Variants in SKAP1 observed in about 807,000 individuals in gnomAD.
SKAP1 encodes the protein src kinase associated phosphoprotein 1, also known as src kinase-associated phosphoprotein 1.
SKAP1 carries 44 observed loss-of-function variants against 58.5 expected under a neutral mutation model. That is an observed-to-expected ratio of 0.75 (90% CI 0.59 to 0.97). The LOEUF (loss-of-function observed/expected upper bound fraction) is 0.97. SKAP1 is among the 50% of genes least tolerant of loss of function. The pLI, the probability that SKAP1 is intolerant of heterozygous loss-of-function variation, is 0.00. For missense variants in SKAP1, 390 were observed against 435.2 expected, an observed-to-expected ratio of 0.90 and a Z score of 0.92; for synonymous variants, 127 against 149.7, an observed-to-expected ratio of 0.85 and a Z score of 1.11.
intron 11 of SKAP1, chr17:48,156,566 AG>A (rs1332872507): frequency 2.3e-6 from 1 of 435,284 alleles, no homozygotes; most frequent in East Asian, 7.0e-5. Flanking sequence ...TGAGTCCAAA[AG>A]GAACACAGGA....
chr17:48,352,769 G>C (rs1243473538), intron 3 of SKAP1, among the ~76,000 whole-genome samples: 1 of 152,142 alleles, frequency 6.6e-6, no homozygotes, highest in Non-Finnish European at 1.5e-5. Flanking sequence ...ACACAAAGAT[G>C]AAATAACTTA....
At chr17:48,176,710 G>A (rs938530597) in intron 9 of SKAP1, among the ~76,000 whole-genome samples, 1 of 152,216 alleles carries the variant, frequency 6.6e-6, no homozygotes, top group Non-Finnish European at 1.5e-5. Context: ...AAGGGGAGAA[G>A]AGTGCTAGCC....
intron 4 of SKAP1, among the ~76,000 whole-genome samples, chr17:48,253,340 G>T (rs192363794): frequency 6.6e-6 from 1 of 152,226 alleles, no homozygotes; most frequent in East Asian, 1.9e-4. Context: ...CTAGAATTAA[G>T]AAGCAAGGGG....
intron 4 of SKAP1, among the ~76,000 whole-genome samples, chr17:48,249,685 G>T (rs941545310): frequency 6.6e-6 from 1 of 151,720 alleles, no homozygotes; most frequent in South Asian, 2.1e-4. Context: ...ACAAAACCCG[G>T]AAGCCCCCCG....
intron 4 of SKAP1, among the ~76,000 whole-genome samples, chr17:48,326,097 G>T (rs533024340): frequency 6.6e-6 from 1 of 151,204 alleles, no homozygotes; most frequent in South Asian, 2.1e-4. Flanking sequence ...TTTAAAAATA[G>T]TTATGTTATA....
chr17:48,405,439 TTCTTTC>T (rs1481839292), intron 1 of SKAP1, among the ~76,000 whole-genome samples: 1 of 83,552 alleles, frequency 1.2e-5, no homozygotes, highest in African/African-American at 4.6e-5. Flanking sequence ...CTTTCTTTCT[TTCTTTC>T]TTTCTTTTCT....
intron 1 of SKAP1, among the ~76,000 whole-genome samples, chr17:48,407,929 G>T (rs60352246): frequency 7.3e-5 from 11 of 151,222 alleles, no homozygotes; most frequent in African/African-American, 1.7e-4. Context: ...TTTTTCAGAG[G>T]GGGGGGAATC....
chr17:48,151,889 G>A (rs1409458076), intron 11 of SKAP1, among the ~76,000 whole-genome samples: 1 of 152,068 alleles, frequency 6.6e-6, no homozygotes, highest in Admixed American at 6.6e-5. Context: ...AACTGGAGAG[G>A]GTGTTACAAT....
chr17:48,230,020 G>A (rs1193271655), intron 4 of SKAP1, among the ~76,000 whole-genome samples: 1 of 152,134 alleles, frequency 6.6e-6, no homozygotes, highest in Non-Finnish European at 1.5e-5. Context: ...CTGTTAGAAG[G>A]GCAGAGCATC....
At chr17:48,139,428 G>A (rs191664319) in intron 11 of SKAP1, among the ~76,000 whole-genome samples, 13 of 150,694 alleles carry the variant, frequency 8.6e-5, no homozygotes, top group Non-Finnish European at 1.6e-4. Flanking sequence ...TCATCCACCC[G>A]CCGCAGCCTC....
At chr17:48,342,693 C>T (rs1464152395) in intron 4 of SKAP1, among the ~76,000 whole-genome samples, 4 of 152,106 alleles carry the variant, frequency 2.6e-5, no homozygotes, top group African/African-American at 4.8e-5. Context: ...AGACAAAATT[C>T]GAGAAGCCTA....
chr17:48,175,870 C>T (rs1445847504), intron 9 of SKAP1, among the ~76,000 whole-genome samples: 1 of 152,160 alleles, frequency 6.6e-6, no homozygotes, highest in Non-Finnish European at 1.5e-5. Context: ...GTGGCTGGGG[C>T]TCAGTGGGCA....
intron 4 of SKAP1, among the ~76,000 whole-genome samples, chr17:48,344,079 A>G (rs546683274): frequency 2.6e-4 from 39 of 152,334 alleles, no homozygotes; most frequent in African/African-American, 9.4e-4. Flanking sequence ...CTCAATAAAC[A>G]ATAAATGCTG....
At chr17:48,317,657 CTT>C (rs1031683010) in intron 4 of SKAP1, among the ~76,000 whole-genome samples, 6 of 152,182 alleles carry the variant, frequency 3.9e-5, no homozygotes, top group African/African-American at 1.4e-4. Context: ...ATCTTAGTAT[CTT>C]TATCTGTAAA....
At chr17:48,209,216 A>C (rs1399653632) in intron 4 of SKAP1, among the ~76,000 whole-genome samples, 1 of 152,166 alleles carries the variant, frequency 6.6e-6, no homozygotes, top group Non-Finnish European at 1.5e-5. Context: ...CAAAAACTTA[A>C]GTACTGCTAC....
chr17:48,202,631 G>C (rs2064743288), intron 4 of SKAP1, among the ~76,000 whole-genome samples: 1 of 152,140 alleles, frequency 6.6e-6, no homozygotes, highest in South Asian at 2.1e-4. Flanking sequence ...CAAGGAAAAA[G>C]ATTTAGGAGG....
At chr17:48,373,400 C>A (rs1374958816) in intron 2 of SKAP1, among the ~76,000 whole-genome samples, 1 of 152,134 alleles carries the variant, frequency 6.6e-6, no homozygotes, top group Non-Finnish European at 1.5e-5. Flanking sequence ...GTTTATAATT[C>A]AAGATGAGAT....
At position 48,188,772 on chromosome 17, in the gene SKAP1, G is replaced by A. The variant is rs566445841; in HGVS notation, c.358+651C>T. Among the ~76,000 whole-genome samples the A allele has an allele frequency of 4.6e-5, 7 of 152,156 alleles. No individual in the cohort carries two copies. In the South Asian group the frequency reaches 6.2e-4, roughly 13 times the overall value. ...CCAGTACTTTGGGAGGCTGAGGCGG[G>A]CAGATCACTTGAGGCCAGGAATTTA... On this transcript the variant is annotated intron_variant, in intron 5 of 12. Coordinates refer to ENST00000336915, the MANE Select transcript of SKAP1 (RefSeq NM_003726.4).
chr17:48,388,278 A>G (rs868443440), intron 2 of SKAP1, among the ~76,000 whole-genome samples: 76 of 152,242 alleles, frequency 5.0e-4, no homozygotes, highest in Middle Eastern at 3.4e-3. Context: ...TACTAAAGAT[A>G]CAAAAATTAG....
Sources: gnomAD v4.1 joint callset for allele counts (sites outside exome capture counted in the v4.1 genomes callset) on GRCh38, gnomAD v4.1.1 for gene constraint, MANE v1.5 for transcripts, NCBI Gene and HGNC (gene_info 2026-07-23, HGNC 2026-07-21) for gene names.